The following AFF1 variants were observed in gnomAD, a reference collection of about 807,000 sequenced individuals.
AFF1 encodes AF4/FMR2 family member 1.
Under a neutral mutation model 121.7 loss-of-function variants are expected in AFF1, and 48 were observed. The observed-to-expected ratio is 0.39, with a 90% CI of 0.31 to 0.50. AFF1 has a LOEUF of 0.50. AFF1 is among the 20% of genes least tolerant of loss of function. The pLI is 0.76. For missense variants in AFF1, 1,523 were observed against 1,511.7 expected, an observed-to-expected ratio of 1.01 and a Z score of -0.12; for synonymous variants, 613 against 563.0, an observed-to-expected ratio of 1.09 and a Z score of -1.26.
intron 4 of AFF1, among the ~76,000 whole-genome samples, chr4:87,075,925 C>G (rs937039622): frequency 3.9e-5 from 6 of 152,102 alleles, no homozygotes; most frequent in Non-Finnish European, 5.9e-5. Flanking sequence ...ATGACAAAAT[C>G]GAGTATTCAT....
chr4:86,987,033 G>A (rs1401492267), intron 2 of AFF1, among the ~76,000 whole-genome samples: 1 of 151,466 alleles, frequency 6.6e-6, no homozygotes, highest in African/African-American at 2.4e-5. Context: ...TTGTAGAGAT[G>A]GGGGTCTTGC....
At chr4:87,084,970 C>T (rs1723573387) in intron 5 of AFF1, among the ~76,000 whole-genome samples, 1 of 152,184 alleles carries the variant, frequency 6.6e-6, no homozygotes, top group African/African-American at 2.4e-5. Flanking sequence ...ACAGCCTTTT[C>T]TTCAGTGAGA....
intron 16 of AFF1, among the ~76,000 whole-genome samples, chr4:87,130,423 A>T (rs1335744454): frequency 6.6e-6 from 1 of 152,216 alleles, no homozygotes; most frequent in African/African-American, 2.4e-5. Context: ...TGCACTTGCC[A>T]TATGCCACTT....
At chr4:87,024,014 A>G (rs1560549377) in intron 2 of AFF1, among the ~76,000 whole-genome samples, 1 of 152,190 alleles carries the variant, frequency 6.6e-6, no homozygotes, top group Non-Finnish European at 1.5e-5. Flanking sequence ...GCAGTCTTTT[A>G]TTAAGCAATT....
intron 2 of AFF1, among the ~76,000 whole-genome samples, chr4:87,014,746 G>A (rs1479886902): frequency 6.6e-6 from 1 of 152,216 alleles, no homozygotes. Context: ...CCTGGATAAT[G>A]TAAGTCTGGA....
chr4:86,984,193 T>C (rs1430900385), intron 2 of AFF1, among the ~76,000 whole-genome samples: 1 of 152,208 alleles, frequency 6.6e-6, no homozygotes, highest in Admixed American at 6.5e-5. Context: ...TGGACAATCG[T>C]AATTTTTCCT....
intron 8 of AFF1, among the ~76,000 whole-genome samples, chr4:87,096,806 CTA>C (rs1192079678): frequency 6.6e-6 from 1 of 152,108 alleles, no homozygotes; most frequent in Non-Finnish European, 1.5e-5. Flanking sequence ...CAGGGTCTCA[CTA>C]TGTTGCCCAG....
intron 16 of AFF1, among the ~76,000 whole-genome samples, chr4:87,130,862 C>T (rs547795593): frequency 3.3e-5 from 5 of 152,268 alleles, no homozygotes; most frequent in South Asian, 2.1e-4. Context: ...GGTCTTAATA[C>T]GGGATCATTT....
intron 2 of AFF1, among the ~76,000 whole-genome samples, chr4:87,017,197 G>GT (rs1422382048): frequency 6.8e-6 from 1 of 146,700 alleles, no homozygotes; most frequent in East Asian, 2.0e-4. Context: ...ATGCCAAACA[G>GT]TTTTTCAAAC....
chr4:87,066,948 ACGG>A (rs1219180768), intron 4 of AFF1, among the ~76,000 whole-genome samples: 1 of 152,226 alleles, frequency 6.6e-6, no homozygotes, highest in Admixed American at 6.5e-5. Flanking sequence ...CAAGTACACG[ACGG>A]CTTCTTCAGA....
chr4:87,070,097 G>A (rs1235969354), intron 4 of AFF1, among the ~76,000 whole-genome samples: 2 of 151,908 alleles, frequency 1.3e-5, no homozygotes, highest in African/African-American at 2.4e-5. Context: ...CCTGCCTCCC[G>A]GGTTCAAGTG....
chr4:87,079,483 C>T (rs1722967008), intron 4 of AFF1, among the ~76,000 whole-genome samples: 1 of 152,200 alleles, frequency 6.6e-6, no homozygotes. Flanking sequence ...TACCAAAATG[C>T]TTCTTTGTAG....
chr4:87,078,183 G>T lies in AFF1; in HGVS notation c.1060-5937G>T, dbSNP rs796396694. Among the ~76,000 whole-genome samples the T allele has an allele frequency of 1.1e-4, 17 of 152,244 alleles. No homozygotes were observed. In the East Asian group the frequency reaches 1.7e-3, roughly 16 times the overall value. On this transcript the variant is annotated intron_variant, in intron 4 of 20. Transcript: ENST00000395146. Reference sequence around the variant, plus strand: ...TCTACGTGTGAAAAGTAGTTTCTCAGTAGTTGTAATGTTTCCAGGGAGAAA... The same window carrying T: ...TCTACGTGTGAAAAGTAGTTTCTCATTAGTTGTAATGTTTCCAGGGAGAAA...
Position 87,140,269 on chromosome 4 carries a change from A to G in AFF1, c.*4568A>G. On this transcript the variant is annotated 3_prime_UTR_variant, in exon 21 of 21. Transcript: ENST00000395146. ...ACACAGGCAGCATTCACCTTTGTTC[A>G]GGCCATCGACATGTATTGTTAAAAT... 1.0e-5 allele frequency: 2 copies of G among 193,982 alleles called. No individual in the cohort carries two copies. 12.0% of individuals were successfully genotyped at this position (193,982 alleles called of 1,614,324 possible).
intron 2 of AFF1, chr4:87,020,741 C>T (rs1727815943): frequency 3.1e-6 from 3 of 958,846 alleles, no homozygotes; most frequent in Non-Finnish European, 3.7e-6. Context: ...GCCTCAGCCT[C>T]TCAAAATGCT....
intron 12 of AFF1, among the ~76,000 whole-genome samples, chr4:87,124,379 A>C (rs1728010472): frequency 1.3e-5 from 2 of 152,218 alleles, no homozygotes; most frequent in African/African-American, 4.8e-5. Flanking sequence ...ATGGAGAGAT[A>C]TAAAGACAGT....
rs1296165584 is a variant in AFF1, at chr4:87,051,473, G to GT, written c.1059+3885dup. The stretch of plus-strand genomic sequence containing the variant: ...ACTGGTATTTTGTTTGTTTTGTTTT[G>GT]TTTTTTGAGACAGAGTCTTGCTCTG... On this transcript the variant is annotated intron_variant, in intron 4 of 20. Coordinates refer to ENST00000395146, the MANE Select transcript of AFF1 (RefSeq NM_001166693.3). Among the ~76,000 whole-genome samples the GT allele has an allele frequency of 4.1e-5, 5 of 121,504 alleles. 1 individual carries two copies. The highest frequency in any genetic ancestry group is 3.1e-5 in the African/African-American group (1 of 32,092). 79.7% of individuals were successfully genotyped at this position (121,504 alleles called of 152,430 possible). A position where few individuals can be genotyped will look rare whatever the true frequency, so the allele number is the denominator to read the frequency against.
chr4:86,998,384 T>C (rs1247215041), intron 2 of AFF1, among the ~76,000 whole-genome samples: 1 of 152,184 alleles, frequency 6.6e-6, no homozygotes, highest in East Asian at 1.9e-4. Context: ...AAGACTTGAT[T>C]ATAGTTGTTT....
At chr4:86,999,942 A>G (rs1725553285) in intron 2 of AFF1, among the ~76,000 whole-genome samples, 1 of 152,182 alleles carries the variant, frequency 6.6e-6, no homozygotes, top group Non-Finnish European at 1.5e-5. Context: ...ATGAGCCTGG[A>G]GCATCCTGTA....
Sources: allele counts gnomAD v4.1 joint callset (sites outside exome capture counted in the v4.1 genomes callset), GRCh38; gene constraint gnomAD v4.1.1; transcripts MANE v1.5; gene names NCBI Gene and HGNC (gene_info 2026-07-23, HGNC 2026-07-21).